Variants in THSD4 observed in about 807,000 individuals in gnomAD.
THSD4 encodes the protein thrombospondin type-1 domain-containing protein 4.
In THSD4, 69 loss-of-function variants were observed where a neutral mutation model predicts 119.0. That is an observed-to-expected ratio of 0.58 (90% CI 0.48 to 0.71). THSD4 has a LOEUF of 0.71. Ranked by LOEUF, THSD4 falls within the 30% of genes least tolerant of loss-of-function variation. THSD4 has a pLI of 0.00. For missense variants in THSD4, 1,393 were observed against 1,391.1 expected (o/e 1.00, Z -0.02); for synonymous variants, 524 against 540.4 (o/e 0.97, Z 0.42).
intron 6 of THSD4, among the ~76,000 whole-genome samples, chr15:71,377,891 C>CACACACACACACACACACACAA (rs2046166554): frequency 1.2e-5 from 1 of 84,676 alleles, no homozygotes; most frequent in Non-Finnish European, 2.4e-5. Context: ...CACACACACA[C>CACACACACACACACACACACAA]ACACACACAC....
At chr15:71,195,697 G>A (rs796083912) in intron 3 of THSD4, among the ~76,000 whole-genome samples, 2 of 152,300 alleles carry the variant, frequency 1.3e-5, no homozygotes, top group African/African-American at 4.8e-5. Flanking sequence ...ACTGATAAAA[G>A]TGGTATTGTC....
At chr15:71,551,672 C>G (rs796713834) in intron 7 of THSD4, among the ~76,000 whole-genome samples, 2 of 151,950 alleles carry the variant, frequency 1.3e-5, no homozygotes, top group Admixed American at 1.3e-4. Flanking sequence ...AGGGAAGGCA[C>G]GCAGGACCCA....
At chr15:71,296,826 G>A (rs2044869048) in intron 6 of THSD4, among the ~76,000 whole-genome samples, 1 of 152,124 alleles carries the variant, frequency 6.6e-6, no homozygotes, top group African/African-American at 2.4e-5. Context: ...TCCCGACCCT[G>A]CCATTTATTA....
chr15:71,135,110 T>A lies in THSD4; in HGVS notation c.-79-6339T>A, dbSNP rs796826930. Among the ~76,000 whole-genome samples, 9 of 141,898 alleles carry A rather than the reference T, an allele frequency of 6.3e-5. No individual in the cohort carries two copies. The South Asian group carries it at 2.1e-3, about 33-fold the overall frequency. 93.1% of individuals were successfully genotyped at this position (141,898 alleles called of 152,430 possible). A position where few individuals can be genotyped will look rare whatever the true frequency, so the allele number is the denominator to read the frequency against. On this transcript the variant is annotated intron_variant, in intron 1 of 17. Coordinates refer to ENST00000261862, the MANE Select transcript of THSD4 (RefSeq NM_024817.3). ...GAAACCATCATTCTCAGTAAACTAT[T>A]GCAAGAACAAAAAACCAAACACCGC...
chr15:71,190,557 G>A (rs958309262), intron 3 of THSD4, among the ~76,000 whole-genome samples: 3 of 152,120 alleles, frequency 2.0e-5, no homozygotes, highest in African/African-American at 7.2e-5. Context: ...CTGTCCTGTC[G>A]CTGAAGATTC....
At chr15:71,638,853 G>T (rs1464753892) in intron 7 of THSD4, among the ~76,000 whole-genome samples, 1 of 152,142 alleles carries the variant, frequency 6.6e-6, no homozygotes, top group Non-Finnish European at 1.5e-5. Context: ...TAATACAATG[G>T]TTTTTCTCTC....
intron 8 of THSD4, among the ~76,000 whole-genome samples, chr15:71,667,711 C>T (rs1007041364): frequency 6.6e-5 from 10 of 152,320 alleles, no homozygotes; most frequent in Middle Eastern, 3.4e-3. Flanking sequence ...TGATGTCTTA[C>T]ATTCGTATGA....
intron 7 of THSD4, among the ~76,000 whole-genome samples, chr15:71,442,662 A>ATG (rs1293956011): frequency 0.15 from 5,327 of 35,818 alleles, 1,129 homozygotes; most frequent in South Asian, 0.24. Flanking sequence ...GTGTGTGTGT[A>ATG]TATATATATA....
intron 7 of THSD4, among the ~76,000 whole-genome samples, chr15:71,623,774 T>A (rs1337317530): frequency 6.6e-6 from 1 of 151,944 alleles, no homozygotes; most frequent in Non-Finnish European, 1.5e-5. Flanking sequence ...AATACAAAAA[T>A]TAGCCAGGCA....
At position 71,703,043 on chromosome 15, in the gene THSD4, C is replaced by T. The variant is rs1474872446; in HGVS notation, c.1358-25506C>T. Among the ~76,000 whole-genome samples, 8 of 152,010 alleles carry T rather than the reference C, an allele frequency of 5.3e-5. No homozygotes were observed. In the East Asian group the frequency reaches 1.5e-3, roughly 29 times the overall value. On this transcript the variant is annotated intron_variant, in intron 8 of 17. Coordinates refer to ENST00000261862, the MANE Select transcript of THSD4 (RefSeq NM_024817.3). ...TTGCTCAGGCTGTAGTGCAGTGGTG[C>T]CCTCTCAGCTCACTGCAACCTCCGC...
Position 71,595,601 on chromosome 15 carries a change from GC to G in THSD4, c.1153-64927del, listed in dbSNP as rs796215945. 3.2e-3 allele frequency among the ~76,000 whole-genome samples: 189 copies of G among 58,876 alleles called. 2 individuals are homozygous for G. Among genetic ancestry groups the G allele is most frequent in the African/African-American group, 0.012 (173 of 13,972 alleles). 38.6% of individuals were successfully genotyped at this position (58,876 alleles called of 152,430 possible). The stretch of plus-strand genomic sequence containing the variant: ...AGCTTTAAAATGAACTAATACACAA[GC>G]CATATGTTCAGAACTTGGAAGCTCA... On this transcript the variant is annotated intron_variant, in intron 7 of 17. Coordinates refer to ENST00000261862, the MANE Select transcript of THSD4 (RefSeq NM_024817.3).
rs556993607 is a variant in THSD4, at chr15:71,748,479, T to C, written c.2300T>C (p.Ile767Thr). ...RTRDVKCVSN[I>T]GDVVDDEECN... The stretch of plus-strand genomic sequence containing the variant: ...CGTGATGTGAAGTGTGTGAGCAACA[T>C]TGGGGATGTGGTTGACGATGAGGAA... The change falls in exon 14 of 18, where the codon ATT (isoleucine) becomes ACT (threonine). Residue 767 changes from isoleucine to threonine, a missense_variant. By Grantham distance (89) the Ile-to-Thr change is moderately conservative. Transcript: ENST00000261862. 17 of 1,614,050 alleles carry C rather than the reference T, an allele frequency of 1.1e-5. No individual in the cohort carries two copies. Among genetic ancestry groups the C allele is most frequent in the Admixed American group, 8.3e-5 (5 of 60,012 alleles).
At chr15:71,613,711 A>G (rs1179671224) in intron 7 of THSD4, among the ~76,000 whole-genome samples, 3 of 152,176 alleles carry the variant, frequency 2.0e-5, no homozygotes, top group Non-Finnish European at 2.9e-5. Context: ...CTGTGCACAC[A>G]CAGGATCATA....
rs529592782 is a variant in THSD4, at chr15:71,701,835, CAGA to C, written c.1358-26708_1358-26706del. Among the ~76,000 whole-genome samples the C allele has an allele frequency of 2.9e-3, 443 of 152,162 alleles. 3 individuals are homozygous for C. The highest frequency in any genetic ancestry group is 4.7e-3 in the Non-Finnish European group (318 of 68,006). ...GGAGTGAAGCGAGATTGGGGCCAAG[CAGA>C]AGAAGTGAGACCTTCCACTTCTTTT... On this transcript the variant is annotated intron_variant, in intron 8 of 17. Coordinates refer to ENST00000261862, the MANE Select transcript of THSD4 (RefSeq NM_024817.3).
At chr15:71,411,492 T>C (rs1056114885) in intron 6 of THSD4, among the ~76,000 whole-genome samples, 195 bp from the exon 7 acceptor site, 2 of 152,312 alleles carry the variant, frequency 1.3e-5, no homozygotes, top group Middle Eastern at 3.4e-3. Flanking sequence ...AATTATATAA[T>C]GGTTGCGGTT....
rs1339410446 is a variant in THSD4, at chr15:71,778,888, G to A, written c.*1514G>A. 1 of 152,256 alleles carries A rather than the reference G, an allele frequency of 6.6e-6. No individual in the cohort carries two copies. The highest frequency in any genetic ancestry group is 1.5e-5 in the Non-Finnish European group (1 of 68,052). 9.4% of individuals were successfully genotyped at this position (152,256 alleles called of 1,614,324 possible). A position where few individuals can be genotyped will look rare whatever the true frequency, so the allele number is the denominator to read the frequency against. On this transcript the variant is annotated 3_prime_UTR_variant, in exon 18 of 18. Transcript: ENST00000261862. ...CTGAAAACAGTTAAGAGGAATATATGTATGTTTTACCCATTAAGAAAAAAT... is the reference window on the plus strand; with the variant it reads ...CTGAAAACAGTTAAGAGGAATATATATATGTTTTACCCATTAAGAAAAAAT...
intron 8 of THSD4, among the ~76,000 whole-genome samples, chr15:71,695,841 C>G (rs1041000559): frequency 5.3e-5 from 8 of 151,832 alleles, no homozygotes; most frequent in African/African-American, 1.9e-4. Context: ...GCCTCTGCTT[C>G]CCATCTATAC....
At chr15:71,133,791 T>G (rs630715) in intron 1 of THSD4, among the ~76,000 whole-genome samples, 19,417 of 152,234 alleles carry the variant, frequency 0.13, 2,536 homozygotes, top group African/African-American at 0.33. Flanking sequence ...CTTGAATATT[T>G]TCTTTAGTTA....
At chr15:71,670,251 C>A (rs1222110188) in intron 8 of THSD4, among the ~76,000 whole-genome samples, 1 of 151,598 alleles carries the variant, frequency 6.6e-6, no homozygotes, top group Non-Finnish European at 1.5e-5. Context: ...CCATGACAGG[C>A]CCCGGTGTGT....
Sources: allele counts gnomAD v4.1 joint callset (sites outside exome capture counted in the v4.1 genomes callset), GRCh38; gene constraint gnomAD v4.1.1; transcripts MANE v1.5; gene names NCBI Gene and HGNC (gene_info 2026-07-23, HGNC 2026-07-21).